The following DNAJC5 variants were observed in gnomAD, a reference collection of about 807,000 sequenced individuals.
DNAJC5 encodes dnaJ homolog subfamily C member 5.
DNAJC5 carries 1 observed loss-of-function variant against 23.2 expected under a neutral mutation model. The ratio of observed to expected loss-of-function variants is 0.04; its 90% CI spans 0.02 to 0.20. The LOEUF (loss-of-function observed/expected upper bound fraction) is 0.20, where lower values mean the gene tolerates loss of function less well. Ranked by LOEUF, DNAJC5 falls within the 10% of genes least tolerant of loss-of-function variation. The pLI is 1.00. For synonymous variants in DNAJC5, 136 were observed against 120.0 expected (o/e 1.13, Z -0.87); for missense variants, 180 against 267.0 (o/e 0.67, Z 2.27).
intron 1 of DNAJC5, among the ~76,000 whole-genome samples, chr20:63,924,904 C>A (rs1214266401): frequency 6.6e-6 from 1 of 152,262 alleles, no homozygotes; most frequent in Non-Finnish European, 1.5e-5. Context: ...TGTGTTATAG[C>A]TTGTACTGTG....
chr20:63,898,184 T>C (rs1293796847), intron 1 of DNAJC5, among the ~76,000 whole-genome samples: 1 of 152,220 alleles, frequency 6.6e-6, no homozygotes, highest in Non-Finnish European at 1.5e-5. Context: ...GGTTTTATCC[T>C]TAGAGCCCAG....
intron 1 of DNAJC5, among the ~76,000 whole-genome samples, chr20:63,900,318 C>T (rs1285357450): frequency 6.6e-6 from 1 of 151,950 alleles, no homozygotes; most frequent in African/African-American, 2.4e-5. Flanking sequence ...TGGCTCATGC[C>T]TGTAATCCCA....
chr20:63,926,096 G>A (rs1431576276), intron 1 of DNAJC5, among the ~76,000 whole-genome samples: 4 of 152,202 alleles, frequency 2.6e-5, no homozygotes, highest in East Asian at 1.9e-4. Context: ...CCAAAGTGCT[G>A]GGATTACAGG....
In DNAJC5 at chr20:63,929,607, C is replaced by T. The variant is rs1258667781; in HGVS notation, c.321+82C>T. ...CCGAGTCTCTCCTGCCGTGCGGGCACCCGAGTCACTCCTGCCGTGCGGGCA... is the reference window on the plus strand; with the variant it reads ...CCGAGTCTCTCCTGCCGTGCGGGCATCCGAGTCACTCCTGCCGTGCGGGCA... On this transcript the variant is annotated intron_variant, in intron 3 of 4. Transcript: ENST00000360864. The surrounding 1 kb of genome is among the most constrained non-coding windows in gnomAD (Gnocchi z 8.6). 15 of 1,433,442 alleles carry T rather than the reference C, an allele frequency of 1.0e-5. No homozygotes were observed. The Admixed American group carries it at 2.4e-4, about 23-fold the overall frequency. The allele number at this position is 1,433,442 out of a possible 1,614,324, so 88.8% of individuals were successfully genotyped here.
At chr20:63,917,542 T>G (rs2053523166) in intron 1 of DNAJC5, among the ~76,000 whole-genome samples, 1 of 151,470 alleles carries the variant, frequency 6.6e-6, no homozygotes, top group Non-Finnish European at 1.5e-5. Flanking sequence ...CATGAGCCAC[T>G]GCATCCAGCC....
At chr20:63,924,824 GC>G (rs2053598879) in intron 1 of DNAJC5, among the ~76,000 whole-genome samples, 1 of 152,260 alleles carries the variant, frequency 6.6e-6, no homozygotes, top group African/African-American at 2.4e-5. Flanking sequence ...CACTTTGCAA[GC>G]CGGGGACCCC....
rs1464107713 is a variant in DNAJC5 at position 63,934,323 on chromosome 20, C to G, written c.*2755C>G. The stretch of plus-strand genomic sequence containing the variant: ...AACAGATCAGGACGCCCCCAGCACC[C>G]CTGCCTGCTTTTGCTGGTGGCAGTG... On this transcript the variant is annotated 3_prime_UTR_variant, in exon 5 of 5. Transcript: ENST00000360864. 6.6e-6 allele frequency: 1 copy of G among 151,004 alleles called. No individual in the cohort carries two copies. The highest frequency in any genetic ancestry group is 2.4e-5 in the African/African-American group (1 of 41,114). 9.4% of individuals were successfully genotyped at this position (151,004 alleles called of 1,614,324 possible).
intron 1 of DNAJC5, among the ~76,000 whole-genome samples, chr20:63,904,967 C>A (rs1195182930): frequency 2.6e-5 from 4 of 151,486 alleles, no homozygotes; most frequent in Non-Finnish European, 5.9e-5. Flanking sequence ...CCACGCCCGG[C>A]TAATTTTTGT....
At chr20:63,908,987 C>A (rs986919536) in intron 1 of DNAJC5, 1 of 151,624 alleles carries the variant, frequency 6.6e-6, no homozygotes. Context: ...ACCATGATCG[C>A]GAAGGTGGTT....
In DNAJC5 at chr20:63,931,268, C is replaced by A; in HGVS notation, c.494-197C>A. ...CTGCGAGGCGGGGCAGGGCGGCAGG[C>A]AGTTGGGGCGGGGCTGAGGGCCGAG... On this transcript the variant is annotated intron_variant, in intron 4 of 4. Transcript: ENST00000360864. The surrounding 1 kb of genome is among the most constrained non-coding windows in gnomAD (Gnocchi z 9.6). 1 of 782,862 alleles carries A rather than the reference C, an allele frequency of 1.3e-6. No homozygotes were observed. Among genetic ancestry groups the A allele is most frequent in the African/African-American group, 1.7e-5 (1 of 58,924 alleles). 48.5% of individuals were successfully genotyped at this position (782,862 alleles called of 1,614,324 possible).
At chr20:63,918,111 G>T (rs1037024367) in intron 1 of DNAJC5, among the ~76,000 whole-genome samples, 4 of 152,240 alleles carry the variant, frequency 2.6e-5, no homozygotes, top group Non-Finnish European at 5.9e-5. Flanking sequence ...CGGTGCAAGA[G>T]TGGATGGATC....
chr20:63,926,370 CTGTT>C (rs1421648642), intron 1 of DNAJC5, among the ~76,000 whole-genome samples: 2 of 152,142 alleles, frequency 1.3e-5, no homozygotes, highest in Admixed American at 6.6e-5. Context: ...TTGAAGTTAT[CTGTT>C]TGTTTTCATG....
At chr20:63,914,552 C>T (rs914817372) in intron 1 of DNAJC5, among the ~76,000 whole-genome samples, 1 of 151,064 alleles carries the variant, frequency 6.6e-6, no homozygotes, top group African/African-American at 2.4e-5. Context: ...CTCCTGACCT[C>T]GTGATCCACC....
intron 1 of DNAJC5, among the ~76,000 whole-genome samples, chr20:63,913,454 T>G (rs1600867855): frequency 6.6e-6 from 1 of 151,950 alleles, no homozygotes; most frequent in African/African-American, 2.4e-5. Context: ...TGGAGTGCAG[T>G]GGTGCGGTCT....
At chr20:63,925,301 T>C (rs144002957) in intron 1 of DNAJC5, among the ~76,000 whole-genome samples, 9 of 152,196 alleles carry the variant, frequency 5.9e-5, no homozygotes, top group African/African-American at 2.2e-4. Context: ...CTGGTCAATG[T>C]GGTGAAACCC....
At chr20:63,913,064 T>G (rs77609967) in intron 1 of DNAJC5, among the ~76,000 whole-genome samples, 3 of 82,536 alleles carry the variant, frequency 3.6e-5, no homozygotes, top group East Asian at 8.9e-4. Context: ...AAAGAGGTAG[T>G]TCCCTGCCCC....
chr20:63,899,021 T>A (rs955147258), intron 1 of DNAJC5, among the ~76,000 whole-genome samples: 2 of 152,138 alleles, frequency 1.3e-5, no homozygotes, highest in Non-Finnish European at 2.9e-5. Flanking sequence ...GTGCTAGGCC[T>A]TCCTTCGTGA....
chr20:63,910,177 G>T, intron 1 of DNAJC5, among the ~76,000 whole-genome samples: 1 of 152,068 alleles, frequency 6.6e-6, no homozygotes, highest in Non-Finnish European at 1.5e-5. Flanking sequence ...TTGAATAGTC[G>T]CTACCCAGGT....
chr20:63,918,695 A>G (rs2053535189), intron 1 of DNAJC5, among the ~76,000 whole-genome samples: 1 of 152,198 alleles, frequency 6.6e-6, no homozygotes, highest in Non-Finnish European at 1.5e-5. Flanking sequence ...TCCCAGGTTT[A>G]CACCATTCTC....
Sources: gnomAD v4.1 joint callset for allele counts (sites outside exome capture counted in the v4.1 genomes callset) on GRCh38, gnomAD v4.1.1 for gene constraint, Gnocchi (gnomAD v3.1) non-coding constraint, MANE v1.5 for transcripts, NCBI Gene and HGNC (gene_info 2026-07-23, HGNC 2026-07-21) for gene names.